STAC: variants seen among roughly 807,000 people sequenced by gnomAD.
STAC encodes SH3 and cysteine-rich domain-containing protein.
STAC carries 43 observed loss-of-function variants against 48.8 expected under a neutral mutation model. The ratio of observed to expected loss-of-function variants is 0.88; its 90% CI spans 0.69 to 1.14. The LOEUF (loss-of-function observed/expected upper bound fraction) is 1.14. Among genes scored for constraint, STAC ranks in the 50% most tolerant of loss-of-function variants. The pLI, the probability that STAC is intolerant of heterozygous loss-of-function variation, is 0.00. For synonymous variants in STAC, 193 were observed against 179.5 expected (o/e 1.07, Z -0.60); for missense variants, 497 against 504.0 (o/e 0.99, Z 0.13).
At chr3:36,544,097 C>T (rs1488641255) in intron 10 of STAC, among the ~76,000 whole-genome samples, 1 of 152,092 alleles carries the variant, frequency 6.6e-6, no homozygotes, top group Non-Finnish European at 1.5e-5. Flanking sequence ...AAAGGTAAAT[C>T]CTCCTCTCAA....
intron 6 of STAC, among the ~76,000 whole-genome samples, chr3:36,501,285 T>C (rs1454418165): frequency 6.6e-6 from 1 of 152,050 alleles, no homozygotes; most frequent in Non-Finnish European, 1.5e-5. Flanking sequence ...CTAAACACTA[T>C]ACTTAAGGAA....
intron 10 of STAC, among the ~76,000 whole-genome samples, chr3:36,537,384 T>C (rs2125501479): frequency 6.6e-6 from 1 of 152,300 alleles, no homozygotes; most frequent in East Asian, 1.9e-4. Flanking sequence ...TAAGATCATG[T>C]CCTTTGCAGG....
intron 1 of STAC, among the ~76,000 whole-genome samples, chr3:36,416,014 G>A (rs2125639586): frequency 6.6e-6 from 1 of 152,024 alleles, no homozygotes; most frequent in South Asian, 2.1e-4. Flanking sequence ...AAATCTAGTT[G>A]GGCTATTACT....
intron 6 of STAC, among the ~76,000 whole-genome samples, chr3:36,498,660 G>A (rs1267994009): frequency 6.6e-6 from 1 of 152,124 alleles, no homozygotes; most frequent in Admixed American, 6.5e-5. Flanking sequence ...GGCTGAGGTA[G>A]GAGAATTACT....
intron 8 of STAC, among the ~76,000 whole-genome samples, chr3:36,516,709 C>G (rs575248309): frequency 1.3e-5 from 2 of 152,154 alleles, no homozygotes. Context: ...CCAACTCTGA[C>G]ACTATCTGTG....
At chr3:36,514,235 T>TTTC (rs71085129) in intron 8 of STAC, among the ~76,000 whole-genome samples, 3 of 112,084 alleles carry the variant, frequency 2.7e-5, no homozygotes, top group East Asian at 2.2e-4. Context: ...TTTTTTTTTT[T>TTTC]CACAAAAGGA....
intron 10 of STAC, among the ~76,000 whole-genome samples, chr3:36,544,394 T>G (rs1009994750): frequency 6.6e-6 from 1 of 152,126 alleles, no homozygotes; most frequent in African/African-American, 2.4e-5. Flanking sequence ...GGTCATGAAC[T>G]CCTGACCCCA....
chr3:36,504,919 T>A (rs914991353), intron 7 of STAC, among the ~76,000 whole-genome samples: 1 of 151,996 alleles, frequency 6.6e-6, no homozygotes, highest in Admixed American at 6.6e-5. Context: ...TAGTATATAG[T>A]TAGATATATG....
chr3:36,496,943 A>G (rs977781830), intron 6 of STAC, among the ~76,000 whole-genome samples: 2 of 152,214 alleles, frequency 1.3e-5, no homozygotes, highest in Non-Finnish European at 2.9e-5. Flanking sequence ...ATTTTCTTCA[A>G]AAAGGGCTGG....
intron 2 of STAC, among the ~76,000 whole-genome samples, chr3:36,474,407 T>C (rs73827515): frequency 6.6e-6 from 1 of 152,288 alleles, no homozygotes; most frequent in East Asian, 1.9e-4. Context: ...TAATTTTATC[T>C]TTATCATAGA....
chr3:36,449,016 G>A (rs1696605489), intron 2 of STAC, among the ~76,000 whole-genome samples: 2 of 151,990 alleles, frequency 1.3e-5, no homozygotes, highest in African/African-American at 4.8e-5. Context: ...CTATTCAGGA[G>A]GCTAAGGCAG....
At chr3:36,510,412 T>C (rs764058969) in intron 8 of STAC, among the ~76,000 whole-genome samples, 4 of 152,158 alleles carry the variant, frequency 2.6e-5, no homozygotes, top group Non-Finnish European at 4.4e-5. Flanking sequence ...CTCAAGGATC[T>C]AGAACCAGAA....
Position 36,482,995 on chromosome 3 carries a change from C to A in STAC, c.392C>A (p.Thr131Lys). Residue 131 changes from threonine (T) to lysine (K), a missense_variant, in exon 3 of 11, where the codon ACA (threonine) becomes AAA (lysine). Transcript: ENST00000273183. The part of the protein sequence containing the change: ...CDVCNHMIVG[T>K]NAKHGLRCKA... ...AAGTTTGCCATGTACCTGACAGGAA[C>A]AAATGCTAAGCATGGACTGCGCTGC... 1 of 1,613,592 alleles carries A rather than the reference C, an allele frequency of 6.2e-7. No homozygotes were observed. Among genetic ancestry groups the A allele is most frequent in the Non-Finnish European group, 8.5e-7 (1 of 1,179,532 alleles).
At chr3:36,449,928 A>G (rs1411492812) in intron 2 of STAC, among the ~76,000 whole-genome samples, 2 of 152,230 alleles carry the variant, frequency 1.3e-5, no homozygotes, top group Admixed American at 6.5e-5. Flanking sequence ...TCACTTCTCC[A>G]TGGAATGTCC....
chr3:36,409,905 C>A (rs1700156123), intron 1 of STAC, among the ~76,000 whole-genome samples: 1 of 152,080 alleles, frequency 6.6e-6, no homozygotes. Context: ...AGTCATATTG[C>A]TTGGAATAGG....
chr3:36,400,586 G>A (rs1388617813), intron 1 of STAC, among the ~76,000 whole-genome samples: 1 of 152,180 alleles, frequency 6.6e-6, no homozygotes, highest in Non-Finnish European at 1.5e-5. Flanking sequence ...GCTGCAAACT[G>A]AAGTGCATCA....
chr3:36,447,956 TC>T (rs1161904098), intron 2 of STAC, among the ~76,000 whole-genome samples: 1 of 152,168 alleles, frequency 6.6e-6, no homozygotes, highest in Non-Finnish European at 1.5e-5. Flanking sequence ...ATAGTGTGTT[TC>T]CATTTTAAAA....
intron 8 of STAC, among the ~76,000 whole-genome samples, chr3:36,512,128 C>A (rs778502842): frequency 1.3e-5 from 2 of 152,110 alleles, no homozygotes; most frequent in African/African-American, 4.8e-5. Context: ...CAATTAAGGT[C>A]TTGTACATCT....
chr3:36,528,767 T>TA lies in STAC; in HGVS notation c.972+30dup, dbSNP rs11305660. The TA allele has an allele frequency of 4.2e-3, 5,714 of 1,372,430 alleles. 8 individuals carry two copies. Among genetic ancestry groups the TA allele is most frequent in the African/African-American group, 0.018 (1,210 of 68,618 alleles). 85.0% of individuals were successfully genotyped at this position (1,372,430 alleles called of 1,614,324 possible). On this transcript the variant is annotated intron_variant, in intron 9 of 10. Coordinates refer to ENST00000273183, the MANE Select transcript of STAC (RefSeq NM_003149.3). ...TGGAAAGTAAGTGTTCCTCTTTCTTTAAAAAAAAAAGAGAAAATCATTTGG... is the reference window on the plus strand; with the variant it reads ...TGGAAAGTAAGTGTTCCTCTTTCTTTAAAAAAAAAAAGAGAAAATCATTTGG...
Sources: allele counts gnomAD v4.1 joint callset (sites outside exome capture counted in the v4.1 genomes callset), GRCh38; gene constraint gnomAD v4.1.1; transcripts MANE v1.5; gene names NCBI Gene and HGNC (gene_info 2026-07-23, HGNC 2026-07-21).